The following PHKA1 variants were observed in gnomAD, a reference collection of about 807,000 sequenced individuals.
PHKA1 encodes the protein phosphorylase b kinase regulatory subunit alpha, skeletal muscle isoform.
In PHKA1, 60 loss-of-function variants were observed where a neutral mutation model predicts 110.2. The observed-to-expected ratio is 0.54, with a 90% CI of 0.44 to 0.68. The LOEUF is 0.68. Ranked by LOEUF, PHKA1 falls within the 30% of genes least tolerant of loss-of-function variation. PHKA1 has a pLI of 0.00. For synonymous variants in PHKA1, 316 were observed against 333.6 expected, an observed-to-expected ratio of 0.95 and a Z score of 0.58; for missense variants, 801 against 942.5, an observed-to-expected ratio of 0.85 and a Z score of 1.97.
chrX:72,691,084 A>G (rs1188733056), intron 4 of PHKA1, among the ~76,000 whole-genome samples: 1 of 112,978 alleles, frequency 8.9e-6, no homozygotes, highest in Non-Finnish European at 1.9e-5. Context: ...TAATTTTTAT[A>G]TATGGTGTGA....
intron 16 of PHKA1, among the ~76,000 whole-genome samples, chrX:72,630,299 G>A (rs2053147325): frequency 2.1e-5 from 2 of 96,655 alleles, no homozygotes; most frequent in Non-Finnish European, 4.1e-5. Flanking sequence ...GGGTGGGGGA[G>A]AGAGAGAGAG....
chrX:72,683,020 G>C (rs2053928607), intron 5 of PHKA1, among the ~76,000 whole-genome samples: 1 of 104,466 alleles, frequency 9.6e-6, no homozygotes, highest in East Asian at 3.0e-4. Context: ...ATGAAGAAAA[G>C]AAGTACACCA....
At chrX:72,600,117 T>A (rs1385395473) in intron 28 of PHKA1, among the ~76,000 whole-genome samples, 1 of 110,119 alleles carries the variant, frequency 9.1e-6, no homozygotes, top group Non-Finnish European at 1.9e-5. Context: ...AGGGAAAAAA[T>A]GGCTTAGAAC....
In PHKA1 at chrX:72,619,293, T is replaced by C; in HGVS notation, c.2150A>G (p.Tyr717Cys). ...KELHVQNVHM[Y>C]LPTKLFQASR... ...AGCCTGAAATAACTTCGTAGGAAGA[T>C]ACATGTGAACATCTGCAAAAATATG... Residue 717 changes from tyrosine to cysteine, a missense_variant, in exon 20 of 32, where the codon TAT becomes TGT. Tyr to Cys is a radical substitution (Grantham distance 194). Coordinates refer to ENST00000373542, the MANE Select transcript of PHKA1 (RefSeq NM_002637.4). 8.6e-7 allele frequency: 1 copy of C among 1,166,036 alleles called. No homozygotes were observed. Among genetic ancestry groups the C allele is most frequent in the South Asian group, 1.8e-5 (1 of 55,396 alleles).
rs139006270 is a variant in PHKA1 at position 72,667,452 on chromosome X, C to T, written c.640G>A (p.Glu214Lys). The change falls in exon 7 of 32, where the codon GAA becomes AAA. Residue 214 changes from glutamate (E) to lysine (K), a missense_variant. Physicochemically the swap from Glu to Lys is moderately conservative, Grantham distance 56. This residue lies in a region of PHKA1 where 299 missense variants were observed against 423.3 expected (regional missense o/e 0.71). Coordinates refer to ENST00000373542, the MANE Select transcript of PHKA1 (RefSeq NM_002637.4). ...MAKAALEALDELDLFGVKGGP... is the reference protein window; with the variant it reads ...MAKAALEALDKLDLFGVKGGP... ...CCTTTCACACCAAACAGATCCAGTT[C>T]ATCTAATGCTTCCAGGGCTGCCTGT... The T allele has an allele frequency of 5.0e-6, 6 of 1,206,838 alleles. No homozygotes were observed. The African/African-American group carries it at 8.7e-5, about 18-fold the overall frequency.
chrX:72,623,005 T>C, intron 18 of PHKA1, 104 bp downstream of exon 18: 1 of 1,182,984 alleles, frequency 8.5e-7, no homozygotes, highest in Non-Finnish European at 1.1e-6. Context: ...AGAGTGAGGA[T>C]AGAACACTGT....
intron 4 of PHKA1, among the ~76,000 whole-genome samples, chrX:72,693,899 C>T (rs190561881): frequency 3.6e-5 from 4 of 112,068 alleles, no homozygotes; most frequent in Non-Finnish European, 7.5e-5. Context: ...CACACTCCCT[C>T]ACTGCTTTTA....
chrX:72,587,487 T>C (rs868926759), intron 29 of PHKA1, among the ~76,000 whole-genome samples: 5 of 111,472 alleles, frequency 4.5e-5, no homozygotes, highest in Admixed American at 1.9e-4. Flanking sequence ...ACATGCCAAA[T>C]TGTAAAGACT....
chrX:72,642,123 G>A (rs1339019448), intron 14 of PHKA1, among the ~76,000 whole-genome samples: 1 of 111,925 alleles, frequency 8.9e-6, no homozygotes, highest in African/African-American at 3.2e-5. Flanking sequence ...TCATCATTAA[G>A]TTTTTATTTC....
intron 29 of PHKA1, among the ~76,000 whole-genome samples, chrX:72,592,166 A>AAAT (rs1426005646): frequency 8.9e-6 from 1 of 112,606 alleles, no homozygotes; most frequent in Non-Finnish European, 1.9e-5. Flanking sequence ...TGAAGAGATA[A>AAAT]AATAATATTT....
At chrX:72,680,395 T>C (rs1291937473) in intron 5 of PHKA1, among the ~76,000 whole-genome samples, 1 of 112,616 alleles carries the variant, frequency 8.9e-6, no homozygotes, top group Non-Finnish European at 1.9e-5. Context: ...AACAAATTTG[T>C]CATCAGAAAC....
rs1369042151 is a variant in PHKA1 at position 72,603,119 on chromosome X, C to T, written c.2917G>A (p.Val973Ile). 5 of 1,158,255 alleles carry T rather than the reference C, an allele frequency of 4.3e-6. No homozygotes were observed. Among genetic ancestry groups the T allele is most frequent in the East Asian group, 3.0e-5 (1 of 33,581 alleles). The change falls in exon 26 of 32, where the codon GTT becomes ATT. Residue 973 changes from valine to isoleucine, a missense_variant and splice_region_variant. By Grantham distance (29) the Val-to-Ile change is conservative. This residue lies in a region of PHKA1 where 502 missense variants were observed against 519.2 expected (regional missense o/e 0.97). Coordinates refer to ENST00000373542, the MANE Select transcript of PHKA1 (RefSeq NM_002637.4). Reference sequence around the variant, plus strand: ...TGAAAATGCAGTTATTCAATCTCACCGCTTCGTTCCACTCCAAACTCCTTG... The same window carrying T: ...TGAAAATGCAGTTATTCAATCTCACTGCTTCGTTCCACTCCAAACTCCTTG... ...SGKEFGVERS[V>I]RPTDSNVSPA...
intron 8 of PHKA1, among the ~76,000 whole-genome samples, chrX:72,661,268 T>C (rs1556303848): frequency 8.9e-6 from 1 of 111,838 alleles, no homozygotes; most frequent in Non-Finnish European, 1.9e-5. Flanking sequence ...ATTAAGTAAT[T>C]GGCTTTAGGT....
chrX:72,628,585 T>A (rs1374817016), intron 16 of PHKA1, among the ~76,000 whole-genome samples: 6 of 86,539 alleles, frequency 6.9e-5, no homozygotes, highest in African/African-American at 3.9e-4. Flanking sequence ...CATATAAATA[T>A]ATATATATAT....
In PHKA1 at chrX:72,582,544, C is replaced by T; in HGVS notation, c.3352G>A (p.Val1118Ile). The T allele has an allele frequency of 8.3e-7, 1 of 1,205,178 alleles. No homozygotes were observed. Among genetic ancestry groups the T allele is most frequent in the Non-Finnish European group, 1.1e-6 (1 of 889,473 alleles). The change falls in exon 31 of 32, where the codon GTA (valine) becomes ATA (isoleucine). Residue 1118 changes from valine (V) to isoleucine (I), a missense_variant. Val to Ile is a conservative substitution (Grantham distance 29). This residue lies in a region of PHKA1 where 502 missense variants were observed against 519.2 expected (regional missense o/e 0.97). Coordinates refer to ENST00000373542, the MANE Select transcript of PHKA1 (RefSeq NM_002637.4). ...SVHVESVLNR[V>I]PQPEYRQLLV... Reference sequence around the variant, plus strand: ...AGCTGACGGTACTCTGGCTGAGGTACACGATTCAGGACAGACTCCACATGA... The same window carrying T: ...AGCTGACGGTACTCTGGCTGAGGTATACGATTCAGGACAGACTCCACATGA...
In PHKA1 at chrX:72,650,491, C is replaced by G. The variant is rs200255496; in HGVS notation, c.1246-23G>C. On this transcript the variant is annotated intron_variant, in intron 12 of 31. Transcript: ENST00000373542. ...TCCCTAAAGAAAAACCATAAAAAGA[C>G]AGATTATTAAGTCTCAAAAGAGAAA... is the stretch of plus-strand genomic sequence containing the variant. 114 of 1,133,565 alleles carry G rather than the reference C, an allele frequency of 1.0e-4. 3 individuals are homozygous for G. The East Asian group carries it at 1.4e-3, about 14-fold the overall frequency. 93.4% of individuals were successfully genotyped at this position (1,133,565 alleles called of 1,213,427 possible).
chrX:72,599,022 C>A (rs2056285794), intron 28 of PHKA1, among the ~76,000 whole-genome samples: 1 of 110,223 alleles, frequency 9.1e-6, no homozygotes, highest in Non-Finnish European at 1.9e-5. Flanking sequence ...GAGGTCAAAC[C>A]AGAAAGGGTA....
At chrX:72,713,732 C>A in intron 1 of PHKA1, 71 bp downstream of exon 1, 1 of 841,275 alleles carries the variant, frequency 1.2e-6, no homozygotes, top group East Asian at 3.2e-5. Context: ...GGAGTTCATC[C>A]AAGGTCTCCG....
At chrX:72,670,219 T>A (rs185786608) in intron 6 of PHKA1, among the ~76,000 whole-genome samples, 102 of 111,553 alleles carry the variant, frequency 9.1e-4, no homozygotes, top group African/African-American at 3.2e-3. Context: ...CACTTTTTGA[T>A]GGGGTTGTTT....
Sources: allele counts gnomAD v4.1 joint callset (sites outside exome capture counted in the v4.1 genomes callset), GRCh38; gene constraint gnomAD v4.1.1; regional missense constraint gnomAD v4.1.1; transcripts MANE v1.5; gene names NCBI Gene and HGNC (gene_info 2026-07-23, HGNC 2026-07-21).